Variants in TMEM108 observed in about 807,000 individuals in gnomAD.
TMEM108 encodes the protein cancer/testis antigen 124.
Under a neutral mutation model 35.1 loss-of-function variants are expected in TMEM108, and 12 were observed. The ratio of observed to expected loss-of-function variants is 0.34; its 90% confidence interval spans 0.22 to 0.55. The LOEUF is 0.55. Among genes scored for constraint, TMEM108 ranks in the 20% least tolerant of loss-of-function variants. The pLI, the probability that TMEM108 is intolerant of heterozygous loss-of-function variation, is 0.89. For missense variants in TMEM108, 680 were observed against 753.3 expected (o/e 0.90, Z 1.14); for synonymous variants, 287 against 308.6 (o/e 0.93, Z 0.73).
chr3:133,145,559 G>T (rs9845281), intron 2 of TMEM108, among the ~76,000 whole-genome samples: 1 of 151,922 alleles, frequency 6.6e-6, no homozygotes, highest in Admixed American at 6.6e-5. Flanking sequence ...TTTGGGCAGC[G>T]TGGCCATTTT....
intron 2 of TMEM108, among the ~76,000 whole-genome samples, chr3:133,177,759 G>A (rs1470623674): frequency 6.6e-6 from 1 of 152,112 alleles, no homozygotes; most frequent in African/African-American, 2.4e-5. Flanking sequence ...GCACAAGATA[G>A]GGATGCCCTC....
chr3:133,302,426 T>TC (rs1233622659), intron 3 of TMEM108, among the ~76,000 whole-genome samples: 1 of 145,736 alleles, frequency 6.9e-6, no homozygotes, highest in Non-Finnish European at 1.5e-5. Flanking sequence ...TTTTTTTTTT[T>TC]TTTTTTTTTT....
chr3:133,086,030 A>G (rs1263866417), intron 2 of TMEM108, among the ~76,000 whole-genome samples: 1 of 152,162 alleles, frequency 6.6e-6, no homozygotes, highest in Non-Finnish European at 1.5e-5. Context: ...CTGCTGAGCC[A>G]CATTAAAAAA....
Position 133,396,727 on chromosome 3 carries a change from C to T in TMEM108, c.*741C>T, listed in dbSNP as rs1001973340. On this transcript the variant is annotated 3_prime_UTR_variant, in exon 6 of 6. Coordinates refer to ENST00000321871, the MANE Select transcript of TMEM108 (RefSeq NM_023943.4). ...CCATTCCTGTATCCCCTCCAACACC[C>T]ACATCTGCATTAAACACCCGTGCCT... is the stretch of plus-strand genomic sequence containing the variant. The T allele has an allele frequency of 2.6e-5, 4 of 152,196 alleles. No individual in the cohort carries two copies. Among genetic ancestry groups the T allele is most frequent in the African/African-American group, 7.2e-5 (3 of 41,444 alleles). 9.4% of individuals were successfully genotyped at this position (152,196 alleles called of 1,614,324 possible).
At chr3:133,233,289 G>C (rs1051062649) in intron 3 of TMEM108, among the ~76,000 whole-genome samples, 2 of 152,062 alleles carry the variant, frequency 1.3e-5, no homozygotes, top group African/African-American at 2.4e-5. Flanking sequence ...AATATGCAGT[G>C]TTTGGTTTTT....
intron 3 of TMEM108, among the ~76,000 whole-genome samples, chr3:133,230,021 A>G (rs1946129282): frequency 6.6e-6 from 1 of 152,236 alleles, no homozygotes; most frequent in Non-Finnish European, 1.5e-5. Flanking sequence ...TGAATGTAAA[A>G]GCCAAAACCA....
intron 2 of TMEM108, among the ~76,000 whole-genome samples, chr3:133,066,678 C>T (rs1027399596): frequency 3.9e-5 from 6 of 152,124 alleles, no homozygotes; most frequent in African/African-American, 9.7e-5. Flanking sequence ...ATTTATTATA[C>T]ATAGAAGAGC....
At chr3:133,281,953 C>T (rs370920682) in intron 3 of TMEM108, among the ~76,000 whole-genome samples, 25 of 152,180 alleles carry the variant, frequency 1.6e-4, no homozygotes, top group African/African-American at 4.6e-4. Flanking sequence ...GTCAGGAGAT[C>T]GAGACCATCC....
intron 2 of TMEM108, among the ~76,000 whole-genome samples, chr3:133,098,476 A>G (rs1343815302): frequency 6.6e-6 from 1 of 152,104 alleles, no homozygotes; most frequent in Non-Finnish European, 1.5e-5. Flanking sequence ...TTTCAAAACC[A>G]ATTATGCCTT....
At position 133,380,222 on chromosome 3, in the gene TMEM108, T is replaced by C. The variant is rs140640550; in HGVS notation, c.511T>C (p.Ser171Pro). ...TTRRPPRPPG[S>P]SRKGAGNSSR... ...ACGCAGGCCCCCCAGGCCCCCAGGCTCTTCCCGAAAAGGGGCTGGTAATTC... is the reference window on the plus strand; with the variant it reads ...ACGCAGGCCCCCCAGGCCCCCAGGCCCTTCCCGAAAAGGGGCTGGTAATTC... Residue 171 changes from serine (S) to proline (P), a missense_variant, in exon 4 of 6, where the codon TCT (serine) becomes CCT (proline). Ser to Pro is a moderately conservative substitution (Grantham distance 74, BLOSUM62 -1). This residue lies in a region of TMEM108 where 526 missense variants were observed against 532.1 expected (regional missense o/e 0.99). Transcript: ENST00000321871. The surrounding 1 kb of genome is among the most constrained non-coding windows in gnomAD (Gnocchi z 5.3). The C allele has an allele frequency of 1.2e-6, 2 of 1,611,666 alleles. No individual in the cohort carries two copies.
chr3:133,306,173 ACT>A (rs2071034844), intron 3 of TMEM108, among the ~76,000 whole-genome samples: 1 of 152,052 alleles, frequency 6.6e-6, no homozygotes, highest in Non-Finnish European at 1.5e-5. Context: ...ATTTTTGACA[ACT>A]CTGCCCAACA....
In TMEM108 at chr3:133,045,129, G is replaced by A. The variant is rs1245361839; in HGVS notation, c.-165-773G>A. Among the ~76,000 whole-genome samples the A allele has an allele frequency of 8.6e-5, 13 of 152,046 alleles. No homozygotes were observed. In the South Asian group the frequency reaches 1.0e-3, roughly 12 times the overall value. On this transcript the variant is annotated intron_variant, in intron 1 of 5. Coordinates refer to ENST00000321871, the MANE Select transcript of TMEM108 (RefSeq NM_023943.4). ...ACTACAGGCACCCGCCACCATGCCC[G>A]GCTAATTTTTTGTATTTTTTAATAG...
chr3:133,289,529 A>T (rs1029743741), intron 3 of TMEM108, among the ~76,000 whole-genome samples: 2 of 152,146 alleles, frequency 1.3e-5, no homozygotes, highest in Admixed American at 6.6e-5. Flanking sequence ...TGATGATGTC[A>T]TTTCTTTGGC....
intron 2 of TMEM108, among the ~76,000 whole-genome samples, chr3:133,151,025 G>A (rs1233342144): frequency 2.6e-5 from 4 of 151,730 alleles, no homozygotes; most frequent in Admixed American, 6.6e-5. Flanking sequence ...CTTTCTTTTC[G>A]TGGCCTGTGT....
At chr3:133,194,969 T>G (rs1429718571) in intron 2 of TMEM108, among the ~76,000 whole-genome samples, 2 of 152,180 alleles carry the variant, frequency 1.3e-5, no homozygotes, top group Admixed American at 6.5e-5. Context: ...AGATGACTAT[T>G]TAAACATCCA....
chr3:133,222,539 C>G (rs1946007858), intron 2 of TMEM108, among the ~76,000 whole-genome samples: 1 of 152,068 alleles, frequency 6.6e-6, no homozygotes, highest in Non-Finnish European at 1.5e-5. Flanking sequence ...TGTTGCTCCA[C>G]TAATCCCATA....
chr3:133,358,305 G>A (rs576232374), intron 3 of TMEM108, among the ~76,000 whole-genome samples: 16 of 152,190 alleles, frequency 1.1e-4, no homozygotes, highest in South Asian at 2.1e-4. Flanking sequence ...CCAAGTAGCT[G>A]GGATTACAAG....
In TMEM108 at chr3:133,383,866, G is replaced by A. The variant is rs954719937; in HGVS notation, c.1450+2705G>A. 4.6e-5 allele frequency among the ~76,000 whole-genome samples: 7 copies of A among 152,300 alleles called. No individual in the cohort carries two copies. In the South Asian group the frequency reaches 8.3e-4, roughly 18 times the overall value. The stretch of plus-strand genomic sequence containing the variant: ...CCACTCCCTTTGATGTCTGTCTTGC[G>A]TTTCCACTATACACAAGGAGGCTCT... On this transcript the variant is annotated intron_variant, in intron 4 of 5. Coordinates refer to ENST00000321871, the MANE Select transcript of TMEM108 (RefSeq NM_023943.4).
At chr3:133,114,137 C>T (rs980334742) in intron 2 of TMEM108, among the ~76,000 whole-genome samples, 2 of 152,144 alleles carry the variant, frequency 1.3e-5, no homozygotes, top group African/African-American at 4.8e-5. Context: ...GCTGGAGTCT[C>T]ATGTGTGCAT....
Sources: allele counts gnomAD v4.1 joint callset (sites outside exome capture counted in the v4.1 genomes callset), GRCh38; gene constraint gnomAD v4.1.1; regional missense constraint gnomAD v4.1.1; non-coding constraint Gnocchi (gnomAD v3.1); transcripts MANE v1.5; gene names NCBI Gene and HGNC (gene_info 2026-07-23, HGNC 2026-07-21).